The following STK32A variants were observed in gnomAD, a reference collection of about 807,000 sequenced individuals.
STK32A encodes the protein serine/threonine-protein kinase 32A.
STK32A carries 41 observed loss-of-function variants against 53.2 expected under a neutral mutation model. That is an observed-to-expected ratio of 0.77 (90% CI 0.60 to 1.00). The LOEUF (loss-of-function observed/expected upper bound fraction) is 1.00. Ranked by LOEUF, STK32A falls within the 50% of genes least tolerant of loss-of-function variation. The probability of loss-of-function intolerance (pLI) is 0.00; values close to 1 mark genes in which losing one functional copy is unlikely to be tolerated. For synonymous variants in STK32A, 166 were observed against 162.8 expected, an observed-to-expected ratio of 1.02 and a Z score of -0.15; for missense variants, 458 against 485.8, an observed-to-expected ratio of 0.94 and a Z score of 0.54.
Position 147,271,660 on chromosome 5 carries a change from C to T in STK32A, c.53-6464C>T, listed in dbSNP as rs559633649. On this transcript the variant is annotated intron_variant, in intron 2 of 12. Transcript: ENST00000397936. ...TGAGGGTGGGCCTCTAAAATGGCCC[C>T]CTTGGGTGTGGCCGTCTTCTATGGT... Among the ~76,000 whole-genome samples, 231 of 152,216 alleles carry T rather than the reference C, an allele frequency of 1.5e-3. 2 individuals carry two copies. Among genetic ancestry groups the T allele is most frequent in the African/African-American group, 5.4e-3 (226 of 41,540 alleles).
chr5:147,378,230 G>A (rs1261878420), intron 11 of STK32A, among the ~76,000 whole-genome samples: 2 of 152,114 alleles, frequency 1.3e-5, no homozygotes, highest in Non-Finnish European at 2.9e-5. Context: ...CTGAGTGAAG[G>A]GTTAGGATAG....
At chr5:147,396,849 A>G in the STK32A span, among the ~76,000 whole-genome samples, 4 of 135,398 alleles carry the variant, frequency 3.0e-5, no homozygotes, top group Admixed American at 7.8e-5. Context: ...ATATATACGT[A>G]TATCTGTATA....
chr5:147,370,869 A>T (rs1756979548), intron 9 of STK32A, 99 bp downstream of exon 9: 1 of 742,076 alleles, frequency 1.3e-6, no homozygotes. Context: ...GACAGTCATG[A>T]TAGTATACAT....
intron 2 of STK32A, among the ~76,000 whole-genome samples, chr5:147,251,091 G>A (rs1465227755): frequency 1.3e-5 from 2 of 152,062 alleles, no homozygotes; most frequent in Non-Finnish European, 2.9e-5. Flanking sequence ...TTAAGATGAG[G>A]TACTAGAGCA....
chr5:147,271,514 T>C (rs1233162813), intron 2 of STK32A, among the ~76,000 whole-genome samples: 2 of 152,324 alleles, frequency 1.3e-5, no homozygotes, highest in African/African-American at 4.8e-5. Context: ...CCTTAAACTC[T>C]GACCGCCGGT....
chr5:147,259,594 G>A (rs1233072359), intron 2 of STK32A, among the ~76,000 whole-genome samples: 1 of 151,830 alleles, frequency 6.6e-6, no homozygotes, highest in Non-Finnish European at 1.5e-5. Flanking sequence ...TGCACAACGT[G>A]CAGGTTTGTT....
At chr5:147,258,908 T>C (rs1271382819) in intron 2 of STK32A, among the ~76,000 whole-genome samples, 1 of 151,670 alleles carries the variant, frequency 6.6e-6, no homozygotes, top group Non-Finnish European at 1.5e-5. Flanking sequence ...AGAATTGGTA[T>C]AGATGGCTTT....
At chr5:147,330,897 T>C (rs1341912413) in intron 5 of STK32A, among the ~76,000 whole-genome samples, 2 of 152,236 alleles carry the variant, frequency 1.3e-5, no homozygotes. Context: ...CAAAATTATG[T>C]TTGTTTTAAC....
At chr5:147,283,886 C>A (rs1470763229) in intron 4 of STK32A, among the ~76,000 whole-genome samples, 1 of 151,418 alleles carries the variant, frequency 6.6e-6, no homozygotes, top group African/African-American at 2.4e-5. Flanking sequence ...GGTACCAATT[C>A]TTTTGACACT....
chr5:147,353,574 A>T (rs1009786267), intron 7 of STK32A, among the ~76,000 whole-genome samples: 3 of 152,090 alleles, frequency 2.0e-5, no homozygotes, highest in Non-Finnish European at 4.4e-5. Flanking sequence ...AGCCTGGCCA[A>T]CATGGTGAAA....
At chr5:147,238,762 ATC>A (rs1174491884) in intron 1 of STK32A, among the ~76,000 whole-genome samples, 5 of 151,894 alleles carry the variant, frequency 3.3e-5, no homozygotes. Context: ...GTGTATGCAT[ATC>A]ATAGATTTAT....
intron 2 of STK32A, among the ~76,000 whole-genome samples, chr5:147,263,071 T>G (rs1180196207): frequency 6.6e-6 from 1 of 152,210 alleles, no homozygotes; most frequent in Non-Finnish European, 1.5e-5. Flanking sequence ...GGAAGTTGAG[T>G]GCAGAAGATG....
intron 4 of STK32A, among the ~76,000 whole-genome samples, chr5:147,289,589 C>G (rs1471890030): frequency 6.6e-6 from 1 of 151,392 alleles, no homozygotes; most frequent in Non-Finnish European, 1.5e-5. Context: ...TATACCTATA[C>G]ACACACAAAC....
At chr5:147,347,969 A>C (rs772239262) in intron 6 of STK32A, among the ~76,000 whole-genome samples, 6 of 152,184 alleles carry the variant, frequency 3.9e-5, no homozygotes, top group Non-Finnish European at 8.8e-5. Context: ...CTCCTTAAAT[A>C]GGCATCCTGG....
intron 4 of STK32A, among the ~76,000 whole-genome samples, chr5:147,306,407 A>G (rs1267187356): frequency 2.6e-5 from 4 of 151,976 alleles, no homozygotes; most frequent in Admixed American, 1.3e-4. Flanking sequence ...GTGTTGTTCC[A>G]GGTGCTGAAA....
At chr5:147,401,744 G>C in the STK32A span, 1 of 1,603,476 alleles carries the variant, frequency 6.2e-7, no homozygotes, top group South Asian at 1.1e-5. Flanking sequence ...AGTATATGCT[G>C]CACTGGGCCA....
the STK32A span, chr5:147,395,809 T>C: frequency 3.4e-6 from 5 of 1,481,704 alleles, no homozygotes; most frequent in African/African-American, 7.0e-5. Context: ...GTGAATACAG[T>C]GTGTGGTGGG....
intron 6 of STK32A, among the ~76,000 whole-genome samples, chr5:147,347,641 T>A (rs1343746188): frequency 6.6e-6 from 1 of 152,214 alleles, no homozygotes; most frequent in Non-Finnish European, 1.5e-5. Flanking sequence ...TGAGAAACTC[T>A]GCTCTAAGGC....
At chr5:147,246,222 T>C (rs1045537110) in intron 2 of STK32A, among the ~76,000 whole-genome samples, 2 of 152,224 alleles carry the variant, frequency 1.3e-5, no homozygotes, top group Non-Finnish European at 2.9e-5. Context: ...GCATTTGTCA[T>C]AAATAACCTC....
Sources: allele counts gnomAD v4.1 joint callset (sites outside exome capture counted in the v4.1 genomes callset), GRCh38; gene constraint gnomAD v4.1.1; transcripts MANE v1.5; gene names NCBI Gene and HGNC (gene_info 2026-07-23, HGNC 2026-07-21).